Variants in PHLPP1 observed in about 807,000 individuals in gnomAD.
The protein encoded by PHLPP1 is PH domain and leucine rich repeat protein phosphatase 1, also known as PH domain leucine-rich repeat-containing protein phosphatase 1.
A neutral mutation model predicts 117.2 loss-of-function variants in PHLPP1; 42 were observed. That is an observed-to-expected ratio of 0.36 (90% CI 0.28 to 0.46). PHLPP1 has a LOEUF of 0.46. Ranked by LOEUF, PHLPP1 falls within the 20% of genes least tolerant of loss-of-function variation. The pLI is 1.00. For missense variants in PHLPP1, 2,084 were observed against 2,241.9 expected, an observed-to-expected ratio of 0.93 and a Z score of 1.42; for synonymous variants, 1,042 against 970.7, an observed-to-expected ratio of 1.07 and a Z score of -1.37.
chr18:62,781,384 A>G (rs1280525811), intron 1 of PHLPP1, among the ~76,000 whole-genome samples: 1 of 152,172 alleles, frequency 6.6e-6, no homozygotes, highest in Non-Finnish European at 1.5e-5. Context: ...CTCGCCATGG[A>G]CAGTAGACAG....
intron 7 of PHLPP1, 41 bp downstream of exon 7, chr18:62,903,207 C>T (rs1475362240): frequency 7.8e-7 from 1 of 1,288,674 alleles, no homozygotes; most frequent in East Asian, 2.3e-5. Context: ...CTTTTGGTTC[C>T]AGGAATTTAC....
intron 1 of PHLPP1, among the ~76,000 whole-genome samples, chr18:62,797,356 T>A (rs1346275445): frequency 6.6e-6 from 1 of 152,216 alleles, no homozygotes; most frequent in Non-Finnish European, 1.5e-5. Flanking sequence ...GCCCAAGATA[T>A]ATCCATGTGT....
intron 13 of PHLPP1, among the ~76,000 whole-genome samples, chr18:62,960,050 A>G (rs1910722512): frequency 6.6e-6 from 1 of 152,242 alleles, no homozygotes; most frequent in Non-Finnish European, 1.5e-5. Context: ...TGGATTATCA[A>G]AATACATCAT....
At chr18:62,767,109 A>G (rs1347063271) in intron 1 of PHLPP1, among the ~76,000 whole-genome samples, 2 of 152,228 alleles carry the variant, frequency 1.3e-5, no homozygotes, top group Non-Finnish European at 2.9e-5. Flanking sequence ...AATGAAAAAT[A>G]TCTCGCTTTG....
chr18:62,922,638 T>C (rs1015252613), intron 10 of PHLPP1, among the ~76,000 whole-genome samples: 1 of 152,140 alleles, frequency 6.6e-6, no homozygotes, highest in Non-Finnish European at 1.5e-5. Context: ...TGGATTTAGG[T>C]TTTAGGAGCC....
intron 1 of PHLPP1, among the ~76,000 whole-genome samples, chr18:62,766,092 TATATATATATAA>T (rs1168972610): frequency 2.6e-5 from 2 of 77,436 alleles, no homozygotes; most frequent in African/African-American, 8.4e-5. Flanking sequence ...TATATATATA[TATATATATATAA>T]AATATATATA....
intron 1 of PHLPP1, chr18:62,824,162 G>A: frequency 2.2e-6 from 1 of 454,824 alleles, no homozygotes; most frequent in Non-Finnish European, 4.4e-6. Flanking sequence ...TGACAGGGAT[G>A]TGGAGCATCG....
chr18:62,919,901 A>G, intron 9 of PHLPP1, 58 bp from the exon 10 acceptor site: 1 of 1,254,140 alleles, frequency 8.0e-7, no homozygotes, highest in Non-Finnish European at 1.1e-6. Flanking sequence ...TTGGAGAGGT[A>G]ATTTTAAGTA....
chr18:62,730,493 T>TAG (rs112256859), intron 1 of PHLPP1, among the ~76,000 whole-genome samples: 6 of 151,712 alleles, frequency 4.0e-5, no homozygotes, highest in Non-Finnish European at 5.9e-5. Context: ...CCTCATTTAT[T>TAG]AGAGAGAGAG....
chr18:62,761,324 A>T (rs1002315911), intron 1 of PHLPP1, among the ~76,000 whole-genome samples: 1 of 152,066 alleles, frequency 6.6e-6, no homozygotes, highest in Non-Finnish European at 1.5e-5. Context: ...TGTTAAAAGA[A>T]TATGGTTTAT....
chr18:62,862,587 A>G (rs922368235), intron 4 of PHLPP1, among the ~76,000 whole-genome samples: 1 of 152,190 alleles, frequency 6.6e-6, no homozygotes, highest in African/African-American at 2.4e-5. Context: ...AGTATGAATA[A>G]TAATAGTTTG....
intron 4 of PHLPP1, among the ~76,000 whole-genome samples, chr18:62,878,239 C>G (rs978159491): frequency 2.0e-5 from 3 of 152,202 alleles, no homozygotes; most frequent in African/African-American, 7.2e-5. Flanking sequence ...CAAACTGATG[C>G]TTATTTTGTT....
chr18:62,728,651 G>C (rs1480071605), intron 1 of PHLPP1, among the ~76,000 whole-genome samples: 1 of 151,992 alleles, frequency 6.6e-6, no homozygotes, highest in African/African-American at 2.4e-5. Context: ...TGGGATTACA[G>C]GTACACACCA....
At chr18:62,793,307 GT>G (rs1184232822) in intron 1 of PHLPP1, among the ~76,000 whole-genome samples, 2 of 152,208 alleles carry the variant, frequency 1.3e-5, no homozygotes, top group Non-Finnish European at 2.9e-5. Context: ...TTGAATAATG[GT>G]TCTGGTTCTT....
rs71340133 is a variant in PHLPP1 at position 62,916,605 on chromosome 18, GGTGT to G, written c.2804+1620_2804+1623del. The stretch of plus-strand genomic sequence containing the variant: ...AGCCATCACCATTAACAAGAGGGTG[GGTGT>G]GTGTGTGTGTGTGTGTGTGTGTCCA... On this transcript the variant is annotated intron_variant, in intron 9 of 16. Transcript: ENST00000262719. 2.8e-3 allele frequency among the ~76,000 whole-genome samples: 413 copies of G among 145,798 alleles called. 1 individual carries two copies. The highest frequency in any genetic ancestry group is 4.4e-3 in the Non-Finnish European group (291 of 66,214).
At chr18:62,942,579 T>A (rs1910159857) in intron 11 of PHLPP1, among the ~76,000 whole-genome samples, 1 of 152,172 alleles carries the variant, frequency 6.6e-6, no homozygotes, top group African/African-American at 2.4e-5. Flanking sequence ...TTACTTTAAT[T>A]TCTAATTTTC....
At chr18:62,912,425 CT>C (rs1413549586) in intron 8 of PHLPP1, among the ~76,000 whole-genome samples, 2 of 150,974 alleles carry the variant, frequency 1.3e-5, no homozygotes, top group African/African-American at 4.9e-5. Flanking sequence ...CATGCATTTC[CT>C]ACTACCTATC....
chr18:62,749,994 C>T (rs190321584), intron 1 of PHLPP1, among the ~76,000 whole-genome samples: 1,549 of 152,124 alleles, frequency 0.01, 12 homozygotes, highest in Middle Eastern at 0.031. Context: ...CCAGCCTGGG[C>T]GACAGAGCGA....
At chr18:62,816,180 A>G (rs994064529) in intron 1 of PHLPP1, among the ~76,000 whole-genome samples, 3 of 152,208 alleles carry the variant, frequency 2.0e-5, no homozygotes, top group Admixed American at 2.0e-4. Flanking sequence ...GGAAGTTGAA[A>G]AGAGTACAAA....
Sources: gnomAD v4.1 joint callset for allele counts (sites outside exome capture counted in the v4.1 genomes callset) on GRCh38, gnomAD v4.1.1 for gene constraint, MANE v1.5 for transcripts, NCBI Gene and HGNC (gene_info 2026-07-23, HGNC 2026-07-21) for gene names.